DNAAF5: variants seen among roughly 807,000 people sequenced by gnomAD.
DNAAF5 encodes the protein dynein axonemal assembly factor 5.
Under a neutral mutation model 75.8 loss-of-function variants are expected in DNAAF5, and 64 were observed. The observed-to-expected ratio is 0.84, with a 90% confidence interval of 0.69 to 1.04. The LOEUF (loss-of-function observed/expected upper bound fraction) is 1.04. Among genes scored for constraint, DNAAF5 ranks in the 50% least tolerant of loss-of-function variants. The probability of loss-of-function intolerance (pLI) is 0.00; values close to 1 mark genes in which losing one functional copy is unlikely to be tolerated. For missense variants in DNAAF5, 1,269 were observed against 1,178.5 expected, an observed-to-expected ratio of 1.08 and a Z score of -1.12; for synonymous variants, 657 against 557.2, an observed-to-expected ratio of 1.18 and a Z score of -2.52.
chr7:756,777 C>A lies in DNAAF5; in HGVS notation c.1258-5C>A, dbSNP rs754142810. The A allele has an allele frequency of 1.9e-6, 3 of 1,611,876 alleles. No individual in the cohort carries two copies. ...TCTGAGTTTTCTCATGTTTCTTTCT[C>A]GCAGTGTACCAGATCCGCAGAGCTC... On this transcript the variant is annotated splice_polypyrimidine_tract_variant and splice_region_variant and intron_variant, in intron 5 of 12. Transcript: ENST00000297440.
rs1781904930 is a variant in DNAAF5 at position 741,381 on chromosome 7, C to G, written c.940C>G (p.Leu314Val). Residue 314 changes from leucine (L) to valine (V), a missense_variant, in exon 4 of 13, where the codon CTG (leucine) becomes GTG (valine). Transcript: ENST00000297440. ...TGCCAGCCTCTGGGAGGACGTTGGC[C>G]TGCAGTGGCAGAAGGAGAATGAGGA... Reference protein sequence around the residue: ...LAASLWEDVGLQWQKENEEDL... With the variant: ...LAASLWEDVGVQWQKENEEDL... The G allele has an allele frequency of 1.3e-6, 2 of 1,585,860 alleles. No individual in the cohort carries two copies. The highest frequency in any genetic ancestry group is 4.5e-5 in the East Asian group (2 of 43,996).
At chr7:784,851 A>G (rs1310176158) in intron 12 of DNAAF5, among the ~76,000 whole-genome samples, 2 of 152,168 alleles carry the variant, frequency 1.3e-5, no homozygotes, top group Non-Finnish European at 2.9e-5. Flanking sequence ...ACATCATTTC[A>G]TGGTCTGCCC....
chr7:738,538 C>T (rs1196279268), intron 2 of DNAAF5, among the ~76,000 whole-genome samples: 1 of 151,762 alleles, frequency 6.6e-6, no homozygotes, highest in Non-Finnish European at 1.5e-5. Context: ...TGTTTGTACC[C>T]ATCTGTCTTG....
chr7:727,064 C>A lies in DNAAF5; in HGVS notation c.344C>A (p.Pro115Gln). Residue 115 changes from proline (P) to glutamine (Q), a missense_variant, in exon 1 of 13, where the codon CCG (proline) becomes CAG (glutamine). Pro to Gln is a moderately conservative substitution (Grantham distance 76). Coordinates refer to ENST00000297440, the MANE Select transcript of DNAAF5 (RefSeq NM_017802.4). ...RRAARPRDAL[P>Q]RLLPALAARL... ...GCCGCGCGGCCCCGCGATGCCCTGC[C>A]GCGCCTGCTGCCCGCGCTCGCCGCG... The A allele has an allele frequency of 1.9e-6, 2 of 1,061,814 alleles. No individual in the cohort carries two copies. The highest frequency in any genetic ancestry group is 1.7e-5 in the African/African-American group (1 of 58,686). 65.8% of individuals were successfully genotyped at this position (1,061,814 alleles called of 1,614,324 possible). A position where few individuals can be genotyped will look rare whatever the true frequency, so the allele number is the denominator to read the frequency against.
intron 12 of DNAAF5, among the ~76,000 whole-genome samples, chr7:784,523 C>G (rs1779087653): frequency 6.6e-6 from 1 of 152,170 alleles, no homozygotes; most frequent in African/African-American, 2.4e-5. Flanking sequence ...CTTCCTGCCT[C>G]AGCTAGACAC....
At chr7:767,246 A>C (rs1374972166) in intron 8 of DNAAF5, among the ~76,000 whole-genome samples, 1 of 149,452 alleles carries the variant, frequency 6.7e-6, no homozygotes, top group African/African-American at 2.5e-5. Context: ...CTCAAAAAAA[A>C]AAAAAAAAAA....
intron 2 of DNAAF5, among the ~76,000 whole-genome samples, chr7:734,782 A>G (rs1474454772): frequency 2.0e-5 from 3 of 152,218 alleles, no homozygotes; most frequent in Non-Finnish European, 2.9e-5. Flanking sequence ...GTTTGGATTT[A>G]TGATTTAATC....
chr7:782,648 TC>T (rs1779005811), intron 12 of DNAAF5, among the ~76,000 whole-genome samples: 2 of 139,728 alleles, frequency 1.4e-5, no homozygotes, highest in East Asian at 2.2e-4. Context: ...CCGCCTCCCG[TC>T]ACGCAGCGTC....
chr7:769,171 G>A (rs1257079150), intron 8 of DNAAF5: 2 of 774,938 alleles, frequency 2.6e-6, no homozygotes, highest in East Asian at 2.4e-5. Context: ...CCAGGGAGAA[G>A]GCTCACATCG....
rs774499919 is a variant in DNAAF5, at chr7:740,920, C to T, written c.882C>T (p.Leu294=). ...TCATCCCTCTGCTGCTCAGTAGCCTCAACGACGAGGTGCCTGAGGTCAGGT... is the reference window on the plus strand; with the variant it reads ...TCATCCCTCTGCTGCTCAGTAGCCTTAACGACGAGGTGCCTGAGGTCAGGT... The part of the protein sequence containing the change: ...HKLIPLLLSS[L]NDEVPEVRQL... Residue 294 remains leucine (L), a synonymous_variant, in exon 3 of 13, where the codon CTC becomes CTT. Transcript: ENST00000297440. 1.2e-6 allele frequency: 2 copies of T among 1,613,750 alleles called. No individual in the cohort carries two copies. The highest frequency in any genetic ancestry group is 1.7e-6 in the Non-Finnish European group (2 of 1,180,044).
At position 729,761 on chromosome 7, in the gene DNAAF5, G is replaced by A. The variant is rs369123218; in HGVS notation, c.694G>A (p.Gly232Ser). 9 of 1,614,118 alleles carry A rather than the reference G, an allele frequency of 5.6e-6. No homozygotes were observed. Among genetic ancestry groups the A allele is most frequent in the Non-Finnish European group, 7.6e-6 (9 of 1,180,040 alleles). Reference protein sequence around the residue: ...KVRVAAIEATGAVIHFGNGKS... With the variant: ...KVRVAAIEATSAVIHFGNGKS... ...CCGTGTGGCCGCCATTGAAGCCACA[G>A]GCGCAGTGATCCATTTTGGCAACGG... The change falls in exon 2 of 13, where the codon GGC becomes AGC. Residue 232 changes from glycine to serine, a missense_variant. Physicochemically the swap from Gly to Ser is moderately conservative, Grantham distance 56. Coordinates refer to ENST00000297440, the MANE Select transcript of DNAAF5 (RefSeq NM_017802.4).
intron 1 of DNAAF5, 119 bp from the exon 2 acceptor site, chr7:729,544 C>A: frequency 1.1e-6 from 1 of 875,528 alleles, no homozygotes; most frequent in South Asian, 1.7e-5. Flanking sequence ...AAGGACCTGG[C>A]GTAGGAGAGG....
In DNAAF5 at chr7:775,609, T is replaced by C. The variant is rs1364003994; in HGVS notation, c.2239+447T>C. Among the ~76,000 whole-genome samples the C allele has an allele frequency of 3.3e-5, 5 of 152,332 alleles. No homozygotes were observed. The East Asian group carries it at 9.6e-4, about 29-fold the overall frequency. On this transcript the variant is annotated intron_variant, in intron 11 of 12. Coordinates refer to ENST00000297440, the MANE Select transcript of DNAAF5 (RefSeq NM_017802.4). ...AAATTTGTACTTACATTTGCATATA[T>C]AAATATGTATGTATTGGGGGGCAGA...
At chr7:744,800 G>T (rs187272079) in intron 4 of DNAAF5, among the ~76,000 whole-genome samples, 6 of 152,074 alleles carry the variant, frequency 3.9e-5, no homozygotes, top group African/African-American at 1.4e-4. Flanking sequence ...ACAGGGTTTC[G>T]CCATGTTGGT....
chr7:765,764 G>A lies in DNAAF5; in HGVS notation c.1783+1790G>A, dbSNP rs143965549. On this transcript the variant is annotated intron_variant, in intron 8 of 12. Coordinates refer to ENST00000297440, the MANE Select transcript of DNAAF5 (RefSeq NM_017802.4). The stretch of plus-strand genomic sequence containing the variant: ...CACCCAGGCTGGAGTGCAGTGGTAC[G>A]ATCACAGCTCACTGTAGCCTCAAAC... 4.5e-3 allele frequency among the ~76,000 whole-genome samples: 690 copies of A among 152,258 alleles called. 3 individuals carry two copies. The highest frequency in any genetic ancestry group is 0.016 in the African/African-American group (651 of 41,540).
intron 11 of DNAAF5, among the ~76,000 whole-genome samples, chr7:777,833 G>C (rs1321601310): frequency 6.6e-6 from 1 of 152,180 alleles, no homozygotes; most frequent in Non-Finnish European, 1.5e-5. Flanking sequence ...AGAGAGGGGT[G>C]CAAGGCCTGG....
At chr7:767,775 G>A (rs1778371722) in intron 8 of DNAAF5, among the ~76,000 whole-genome samples, 1 of 151,706 alleles carries the variant, frequency 6.6e-6, no homozygotes, top group East Asian at 2.0e-4. Flanking sequence ...CCGGGCGGAA[G>A]TGTCCGTGCT....
chr7:729,757 C>A lies in DNAAF5; in HGVS notation c.690C>A (p.Ala230=). Residue 230 remains alanine, a synonymous_variant, in exon 2 of 13, where the codon GCC becomes GCA. Coordinates refer to ENST00000297440, the MANE Select transcript of DNAAF5 (RefSeq NM_017802.4). ...AGGTCCGTGTGGCCGCCATTGAAGC[C>A]ACAGGCGCAGTGATCCATTTTGGCA... ...HWKVRVAAIE[A]TGAVIHFGNG... 6.2e-7 allele frequency: 1 copy of A among 1,614,220 alleles called. No homozygotes were observed. Among genetic ancestry groups the A allele is most frequent in the East Asian group, 2.2e-5 (1 of 44,892 alleles).
chr7:758,019 G>A (rs570559837), intron 6 of DNAAF5, among the ~76,000 whole-genome samples: 2 of 152,352 alleles, frequency 1.3e-5, no homozygotes, highest in East Asian at 3.9e-4. Context: ...AGCAGTTCCT[G>A]GAATACATAG....
Sources: allele counts gnomAD v4.1 joint callset (sites outside exome capture counted in the v4.1 genomes callset), GRCh38; gene constraint gnomAD v4.1.1; transcripts MANE v1.5; gene names NCBI Gene and HGNC (gene_info 2026-07-23, HGNC 2026-07-21).